The following PELI2 variants were observed in gnomAD, a reference collection of about 807,000 sequenced individuals.
PELI2 encodes pellino E3 ubiquitin protein ligase family member 2.
Under a neutral mutation model 42.3 loss-of-function variants are expected in PELI2, and 23 were observed. The observed-to-expected ratio is 0.54, with a 90% CI of 0.39 to 0.77. PELI2 has a LOEUF of 0.77. Ranked by LOEUF, PELI2 falls within the 30% of genes least tolerant of loss-of-function variation. The pLI is 0.00. For synonymous variants in PELI2, 245 were observed against 212.2 expected, an observed-to-expected ratio of 1.15 and a Z score of -1.34; for missense variants, 463 against 553.2, an observed-to-expected ratio of 0.84 and a Z score of 1.64.
rs147030026 is a variant in PELI2, at chr14:56,236,202, A to G, written c.208-43474A>G. On this transcript the variant is annotated intron_variant, in intron 2 of 5. Coordinates refer to ENST00000267460, the MANE Select transcript of PELI2 (RefSeq NM_021255.3). ...TACTCTAGTATGTTTCAAAGTAAACATACTTGGAGTTGATTTAAAGCACGT... is the reference window on the plus strand; with the variant it reads ...TACTCTAGTATGTTTCAAAGTAAACGTACTTGGAGTTGATTTAAAGCACGT... Among the ~76,000 whole-genome samples the G allele has an allele frequency of 1.7e-4, 26 of 152,352 alleles. No individual in the cohort carries two copies. The East Asian group carries it at 4.6e-3, about 27-fold the overall frequency.
chr14:56,161,128 T>C (rs534153283), intron 1 of PELI2, among the ~76,000 whole-genome samples: 2 of 152,230 alleles, frequency 1.3e-5, no homozygotes, highest in Non-Finnish European at 2.9e-5. Flanking sequence ...TAAGGTTCCA[T>C]GACTAGAATC....
chr14:56,180,508 A>G lies in PELI2; in HGVS notation c.207+2044A>G, dbSNP rs146591877. 7.9e-5 allele frequency among the ~76,000 whole-genome samples: 12 copies of G among 152,214 alleles called. 1 individual carries two copies. The East Asian group carries it at 2.3e-3, about 29-fold the overall frequency. On this transcript the variant is annotated intron_variant, in intron 2 of 5. Coordinates refer to ENST00000267460, the MANE Select transcript of PELI2 (RefSeq NM_021255.3). This position sits in a 1 kb window ranked among gnomAD's most constrained non-coding sequence, Gnocchi z 4.4. The stretch of plus-strand genomic sequence containing the variant: ...CTCCAACCAACTTCTATCTCTTTTA[A>G]AGGTTTACATTTTCAAGAGAGAGAC...
intron 2 of PELI2, among the ~76,000 whole-genome samples, chr14:56,265,964 C>G (rs921923654): frequency 6.6e-6 from 1 of 152,024 alleles, no homozygotes; most frequent in Non-Finnish European, 1.5e-5. Context: ...AGGATTGGAT[C>G]TAACCCAAAG....
chr14:56,181,814 C>T (rs182918365), intron 2 of PELI2, among the ~76,000 whole-genome samples: 1 of 151,796 alleles, frequency 6.6e-6, no homozygotes, highest in East Asian at 1.9e-4. Context: ...TAGAATAATA[C>T]TCAGAGGTAT....
chr14:56,238,065 G>T (rs1293380563), intron 2 of PELI2, among the ~76,000 whole-genome samples: 3 of 152,006 alleles, frequency 2.0e-5, no homozygotes, highest in South Asian at 2.1e-4. Flanking sequence ...CTTTGCTTAA[G>T]AATAATTTTC....
intron 1 of PELI2, among the ~76,000 whole-genome samples, chr14:56,164,967 G>GTT (rs35554850): frequency 5.5e-5 from 8 of 145,096 alleles, no homozygotes; most frequent in African/African-American, 2.0e-4. Context: ...AATTTTGTTG[G>GTT]TTTTTTTTTT....
intron 1 of PELI2, among the ~76,000 whole-genome samples, chr14:56,176,148 G>A (rs563462182): frequency 6.6e-6 from 1 of 152,362 alleles, no homozygotes; most frequent in East Asian, 1.9e-4. Context: ...TCATTCAAAC[G>A]TGGTGCTGGG....
intron 2 of PELI2, among the ~76,000 whole-genome samples, chr14:56,228,519 A>G (rs1290273516): frequency 6.6e-6 from 1 of 152,240 alleles, no homozygotes; most frequent in Non-Finnish European, 1.5e-5. Context: ...TGACAAAAAT[A>G]TTCAGTAACT....
At chr14:56,222,751 T>C (rs12877991) in intron 2 of PELI2, among the ~76,000 whole-genome samples, 60,799 of 152,082 alleles carry the variant, frequency 0.4, 13,023 homozygotes, top group South Asian at 0.53. Context: ...CTTGTGCCTC[T>C]GATTCTCTGA....
At chr14:56,276,056 ACT>A (rs1475200940) in intron 2 of PELI2, among the ~76,000 whole-genome samples, 2 of 152,096 alleles carry the variant, frequency 1.3e-5, no homozygotes, top group South Asian at 2.1e-4. Context: ...TTTACTAGAA[ACT>A]CTATTTCTGA....
chr14:56,259,012 A>C lies in PELI2; in HGVS notation c.208-20664A>C, dbSNP rs568674050. On this transcript the variant is annotated intron_variant, in intron 2 of 5. Transcript: ENST00000267460. ...AACAAAATTAAGAATGAAAAAATTAAACAGAAACACTGCAAGTCAGAAGAC... is the reference window on the plus strand; with the variant it reads ...AACAAAATTAAGAATGAAAAAATTACACAGAAACACTGCAAGTCAGAAGAC... Among the ~76,000 whole-genome samples the C allele has an allele frequency of 1.1e-3, 172 of 152,162 alleles. 1 individual carries two copies. The highest frequency in any genetic ancestry group is 3.8e-3 in the Admixed American group (58 of 15,264).
At chr14:56,234,179 G>A (rs1044847007) in intron 2 of PELI2, among the ~76,000 whole-genome samples, 2 of 152,174 alleles carry the variant, frequency 1.3e-5, no homozygotes, top group African/African-American at 4.8e-5. Flanking sequence ...CAACCATTGT[G>A]GGAGACAGTG....
At chr14:56,257,262 C>T (rs995870617) in intron 2 of PELI2, among the ~76,000 whole-genome samples, 7 of 152,096 alleles carry the variant, frequency 4.6e-5, no homozygotes, top group African/African-American at 7.2e-5. Context: ...GATGATCCTA[C>T]CCCCTCAGAG....
intron 2 of PELI2, among the ~76,000 whole-genome samples, chr14:56,240,517 T>G (rs568164666): frequency 1.3e-5 from 2 of 152,120 alleles, no homozygotes; most frequent in East Asian, 3.9e-4. Flanking sequence ...TTTTAGATGG[T>G]TGGTCAGTGA....
intron 2 of PELI2, among the ~76,000 whole-genome samples, chr14:56,269,353 G>A (rs1889019034): frequency 1.3e-5 from 2 of 152,084 alleles, no homozygotes; most frequent in South Asian, 4.1e-4. Flanking sequence ...TAAGGCAGGA[G>A]AATTGCTTGA....
At position 56,223,908 on chromosome 14, in the gene PELI2, G is replaced by A. The variant is rs185559436; in HGVS notation, c.207+45444G>A. Among the ~76,000 whole-genome samples the A allele has an allele frequency of 2.4e-4, 36 of 152,222 alleles. 1 individual carries two copies. In the East Asian group the frequency reaches 5.8e-3, roughly 24 times the overall value. On this transcript the variant is annotated intron_variant, in intron 2 of 5. Coordinates refer to ENST00000267460, the MANE Select transcript of PELI2 (RefSeq NM_021255.3). ...CGTGTCATATAATACTTGTTTTCCC[G>A]TACCATCCAGCACCCATTTTGGCAA...
In PELI2 at chr14:56,118,473, G is replaced by A; in HGVS notation, c.-188G>A. The A allele has an allele frequency of 5.9e-6, 2 of 338,682 alleles. No individual in the cohort carries two copies. Among genetic ancestry groups the A allele is most frequent in the Non-Finnish European group, 1.0e-5 (2 of 190,538 alleles). 21.0% of individuals were successfully genotyped at this position (338,682 alleles called of 1,614,324 possible). On this transcript the variant is annotated 5_prime_UTR_variant, in exon 1 of 6. Transcript: ENST00000267460. Reference sequence around the variant, plus strand: ...CGCGCGGAGCTCCGGGGAGTCAGGCGGAGCAGCCGCGCAGCCACGACGGAG... The same window carrying A: ...CGCGCGGAGCTCCGGGGAGTCAGGCAGAGCAGCCGCGCAGCCACGACGGAG...
intron 2 of PELI2, among the ~76,000 whole-genome samples, chr14:56,225,063 T>C (rs1357648208): frequency 6.6e-6 from 1 of 152,212 alleles, no homozygotes; most frequent in South Asian, 2.1e-4. Context: ...ACCGTAATGC[T>C]GGGTGCTTAG....
intron 2 of PELI2, among the ~76,000 whole-genome samples, chr14:56,275,168 G>A (rs1284006020): frequency 6.6e-6 from 1 of 152,086 alleles, no homozygotes; most frequent in Admixed American, 6.6e-5. Context: ...ACGTGTGTTC[G>A]AGGCACATGC....
Sources: gnomAD v4.1 joint callset for allele counts (sites outside exome capture counted in the v4.1 genomes callset) on GRCh38, gnomAD v4.1.1 for gene constraint, Gnocchi (gnomAD v3.1) non-coding constraint, MANE v1.5 for transcripts, NCBI Gene and HGNC (gene_info 2026-07-23, HGNC 2026-07-21) for gene names.